The following DOCK9 variants were observed in gnomAD, a reference collection of about 807,000 sequenced individuals.
DOCK9 encodes the protein dedicator of cytokinesis 9.
In DOCK9, 89 loss-of-function variants were observed where a neutral mutation model predicts 263.3. The ratio of observed to expected loss-of-function variants is 0.34; its 90% confidence interval spans 0.28 to 0.40. DOCK9 has a LOEUF of 0.40. Among genes scored for constraint, DOCK9 ranks in the 10% least tolerant of loss-of-function variants. The pLI, the probability that DOCK9 is intolerant of heterozygous loss-of-function variation, is 1.00. For synonymous variants in DOCK9, 976 were observed against 973.1 expected, an observed-to-expected ratio of 1.00 and a Z score of -0.06; for missense variants, 2,140 against 2,603.4, an observed-to-expected ratio of 0.82 and a Z score of 3.87.
intron 1 of DOCK9, among the ~76,000 whole-genome samples, chr13:99,027,605 T>C (rs1031517082): frequency 3.9e-5 from 6 of 152,186 alleles, no homozygotes; most frequent in African/African-American, 1.4e-4. Context: ...GAGAAACTCA[T>C]TGTAAGTCAT....
At chr13:98,811,556 G>A (rs1220915629) in intron 45 of DOCK9, among the ~76,000 whole-genome samples, 1 of 152,106 alleles carries the variant, frequency 6.6e-6, no homozygotes. Flanking sequence ...GATTACAGCT[G>A]TGCACCAACA....
intron 2 of DOCK9, among the ~76,000 whole-genome samples, chr13:98,934,079 G>A (rs2054414186): frequency 6.6e-6 from 1 of 151,202 alleles, no homozygotes; most frequent in Non-Finnish European, 1.5e-5. Flanking sequence ...TGAATTTTTG[G>A]AGAGATGGGG....
intron 52 of DOCK9, 124 bp from the exon 53 acceptor site, chr13:98,794,872 G>A (rs570854567): frequency 9.8e-7 from 1 of 1,015,836 alleles, no homozygotes; most frequent in Non-Finnish European, 1.5e-6. Flanking sequence ...AGGCAATGTT[G>A]CCACGTGCAA....
intron 49 of DOCK9, among the ~76,000 whole-genome samples, chr13:98,804,682 A>C (rs1261162305): frequency 2.0e-5 from 3 of 152,212 alleles, no homozygotes; most frequent in African/African-American, 7.2e-5. Context: ...CCTGGAGTCC[A>C]TAAGTCACCT....
At chr13:99,004,526 C>G (rs1882959211) in intron 1 of DOCK9, among the ~76,000 whole-genome samples, 1 of 152,200 alleles carries the variant, frequency 6.6e-6, no homozygotes, top group South Asian at 2.1e-4. Context: ...ACTCCACAGA[C>G]TCTGCAAAGG....
At position 98,807,687 on chromosome 13, in the gene DOCK9, C is replaced by T; in HGVS notation, c.5488G>A (p.Val1830Ile). The change falls in exon 48 of 53, where the codon GTC becomes ATC. Residue 1830 changes from valine to isoleucine, a missense_variant. Transcript: ENST00000682017. ...TTGCCAGAATCCTGTATCATTTTGA[C>T]ATTTTCAGAACCAAATTTATCCGAG... is the stretch of plus-strand genomic sequence containing the variant. The part of the protein sequence containing the change: ...LYSDKFGSEN[V>I]KMIQDSGKVN... 1.2e-6 allele frequency: 2 copies of T among 1,611,106 alleles called. No individual in the cohort carries two copies. The highest frequency in any genetic ancestry group is 1.7e-6 in the Non-Finnish European group (2 of 1,177,996).
rs1177982728 is a variant in DOCK9, at chr13:99,008,230, A to ATTTT, written c.130-52680_130-52679insAAAA. On this transcript the variant is annotated intron_variant, in intron 1 of 32. Transcript: ENST00000427887. Reference sequence around the variant, plus strand: ...TCTCTCTCTATATATATATATATATATATATTTTTTTTTTTTTTTGAGACG... The same window carrying ATTTT: ...TCTCTCTCTATATATATATATATATATTTTTATATTTTTTTTTTTTTTTGAGACG... Among the ~76,000 whole-genome samples the ATTTT allele has an allele frequency of 4.4e-5, 5 of 114,398 alleles. No homozygotes were observed. The South Asian group carries it at 1.7e-3, about 38-fold the overall frequency. 75.0% of individuals were successfully genotyped at this position (114,398 alleles called of 152,430 possible).
chr13:99,024,799 T>C (rs182383074), intron 1 of DOCK9, among the ~76,000 whole-genome samples: 40 of 152,336 alleles, frequency 2.6e-4, no homozygotes, highest in African/African-American at 9.1e-4. Context: ...CTCTAAAATA[T>C]AGGAGGGGAA....
At chr13:98,974,546 T>G (rs1204896217) in intron 1 of DOCK9, among the ~76,000 whole-genome samples, 1 of 151,882 alleles carries the variant, frequency 6.6e-6, no homozygotes, top group East Asian at 1.9e-4. Context: ...GGTCAGGAGT[T>G]CGAAACCAGC....
intron 7 of DOCK9, among the ~76,000 whole-genome samples, chr13:98,916,718 A>G (rs1481547025): frequency 6.6e-6 from 1 of 152,214 alleles, no homozygotes; most frequent in African/African-American, 2.4e-5. Context: ...AAACAAAATG[A>G]ATTTTCTCTC....
At chr13:98,800,193 G>T in intron 50 of DOCK9, 95 bp downstream of exon 50, 1 of 1,293,756 alleles carries the variant, frequency 7.7e-7, no homozygotes, top group Non-Finnish European at 1.0e-6. Context: ...GTAAACCGAG[G>T]CTCTCAAGTA....
At chr13:98,930,617 T>C (rs2053763136) in intron 2 of DOCK9, among the ~76,000 whole-genome samples, 1 of 152,222 alleles carries the variant, frequency 6.6e-6, no homozygotes, top group Non-Finnish European at 1.5e-5. Flanking sequence ...CCTTTTTTTA[T>C]TCTGGTAAAA....
At chr13:98,962,686 C>G (rs1224576821) in intron 1 of DOCK9, among the ~76,000 whole-genome samples, 6 of 146,808 alleles carry the variant, frequency 4.1e-5, no homozygotes, top group Non-Finnish European at 6.0e-5. Context: ...CAGAAACATA[C>G]AAAATAAAAC....
intron 1 of DOCK9, among the ~76,000 whole-genome samples, chr13:99,048,509 G>A (rs1595982993): frequency 6.6e-6 from 1 of 152,128 alleles, no homozygotes; most frequent in Admixed American, 6.6e-5. Flanking sequence ...GGAAAGCAAG[G>A]GTGGCCTGGC....
intron 49 of DOCK9, among the ~76,000 whole-genome samples, chr13:98,802,928 A>G (rs570695965): frequency 1.3e-5 from 2 of 152,136 alleles, no homozygotes; most frequent in Non-Finnish European, 2.9e-5. Context: ...AAAATGAAGA[A>G]CGCTCTTTCC....
At chr13:99,040,347 A>G (rs1332469073) in intron 1 of DOCK9, among the ~76,000 whole-genome samples, 2 of 152,168 alleles carry the variant, frequency 1.3e-5, no homozygotes, top group Non-Finnish European at 2.9e-5. Context: ...AACTAAGGCA[A>G]GTCCTTTTTA....
intron 1 of DOCK9, among the ~76,000 whole-genome samples, chr13:98,990,869 A>T (rs1262076790): frequency 1.3e-5 from 2 of 152,192 alleles, no homozygotes; most frequent in East Asian, 3.9e-4. Flanking sequence ...AAAAGAACCA[A>T]AAGGAATGCG....
At chr13:98,993,665 C>T (rs1320738103) in intron 1 of DOCK9, among the ~76,000 whole-genome samples, 3 of 152,136 alleles carry the variant, frequency 2.0e-5, no homozygotes, top group Non-Finnish European at 2.9e-5. Flanking sequence ...GGCGTGAACC[C>T]GGGAGGCGGA....
At chr13:98,821,473 T>C (rs1242610115) in intron 45 of DOCK9, among the ~76,000 whole-genome samples, 1 of 152,164 alleles carries the variant, frequency 6.6e-6, no homozygotes, top group Non-Finnish European at 1.5e-5. Context: ...CTCTGAACTT[T>C]TAAAAACAGT....
Sources: gnomAD v4.1 joint callset for allele counts (sites outside exome capture counted in the v4.1 genomes callset) on GRCh38, gnomAD v4.1.1 for gene constraint, MANE v1.5 for transcripts, NCBI Gene and HGNC (gene_info 2026-07-23, HGNC 2026-07-21) for gene names.